Variants in CNTN5 observed in about 807,000 individuals in gnomAD.
CNTN5 encodes contactin-5.
A neutral mutation model predicts 129.1 loss-of-function variants in CNTN5; 77 were observed. The ratio of observed to expected loss-of-function variants is 0.60; its 90% CI spans 0.50 to 0.72. The LOEUF is 0.72. Ranked by LOEUF, CNTN5 falls within the 30% of genes least tolerant of loss-of-function variation. The probability of loss-of-function intolerance (pLI) is 0.00; values close to 1 mark genes in which losing one functional copy is unlikely to be tolerated. For missense variants in CNTN5, 1,478 were observed against 1,328.8 expected (o/e 1.11, Z -1.75); for synonymous variants, 509 against 465.6 (o/e 1.09, Z -1.20).
At chr11:99,614,728 A>G (rs1950704740) in intron 3 of CNTN5, among the ~76,000 whole-genome samples, 3 of 152,154 alleles carry the variant, frequency 2.0e-5, no homozygotes, top group Admixed American at 1.3e-4. Flanking sequence ...GTGAGGCTGG[A>G]ACTGTGGAAC....
intron 3 of CNTN5, among the ~76,000 whole-genome samples, chr11:99,809,764 T>C (rs571658260): frequency 2.6e-5 from 4 of 152,312 alleles, no homozygotes; most frequent in Admixed American, 1.3e-4. Context: ...TTTTGTGTAA[T>C]TATTTTCTAA....
At chr11:99,496,773 CTG>C (rs1946242468) in intron 2 of CNTN5, among the ~76,000 whole-genome samples, 1 of 152,168 alleles carries the variant, frequency 6.6e-6, no homozygotes. Context: ...TGGTAAGTAA[CTG>C]GGGTTGGATG....
At chr11:99,156,526 T>C (rs1249515996) in intron 1 of CNTN5, among the ~76,000 whole-genome samples, 1 of 152,032 alleles carries the variant, frequency 6.6e-6, no homozygotes, top group Non-Finnish European at 1.5e-5. Flanking sequence ...AGCTTATATA[T>C]ATTTTGCCTA....
chr11:100,010,133 T>C (rs1940436521), intron 9 of CNTN5, among the ~76,000 whole-genome samples: 2 of 152,178 alleles, frequency 1.3e-5, no homozygotes, highest in Non-Finnish European at 2.9e-5. Flanking sequence ...AGGACCCTAA[T>C]AAATATTTCA....
intron 3 of CNTN5, among the ~76,000 whole-genome samples, chr11:99,559,250 G>T (rs907247773): frequency 1.3e-5 from 2 of 152,098 alleles, no homozygotes; most frequent in African/African-American, 4.8e-5. Context: ...CACATTTTAC[G>T]TTGTTGGTGC....
chr11:99,825,983 C>T (rs1470290729), intron 4 of CNTN5, among the ~76,000 whole-genome samples: 9 of 152,194 alleles, frequency 5.9e-5, no homozygotes, highest in Non-Finnish European at 1.2e-4. Flanking sequence ...TCTGATTCGT[C>T]TGTTCTTCAT....
chr11:99,452,663 G>A (rs1397269575), intron 2 of CNTN5, among the ~76,000 whole-genome samples: 3 of 152,040 alleles, frequency 2.0e-5, no homozygotes, highest in African/African-American at 4.8e-5. Context: ...GTGAGCCACC[G>A]CGCCTGGCCT....
chr11:99,845,041 C>G lies in CNTN5; in HGVS notation c.402-46C>G, dbSNP rs199545900. The stretch of plus-strand genomic sequence containing the variant: ...ACTTTCCATCAATGATATTCTGACA[C>G]TCTCAGGGAGGATTATACATATTTG... On this transcript the variant is annotated intron_variant, in intron 5 of 24. Coordinates refer to ENST00000524871, the MANE Select transcript of CNTN5 (RefSeq NM_014361.4). The G allele has an allele frequency of 3.1e-6, 5 of 1,609,742 alleles. No individual in the cohort carries two copies. In the Admixed American group the frequency reaches 6.7e-5, roughly 22 times the overall value.
chr11:100,280,491 T>C (rs1950613112), intron 18 of CNTN5, among the ~76,000 whole-genome samples: 1 of 152,098 alleles, frequency 6.6e-6, no homozygotes, highest in Non-Finnish European at 1.5e-5. Flanking sequence ...CTCATATGAA[T>C]ATAGCTACTA....
intron 6 of CNTN5, among the ~76,000 whole-genome samples, chr11:99,880,990 A>T (rs1948757686): frequency 1.3e-5 from 2 of 152,242 alleles, no homozygotes. Flanking sequence ...CCACTGAGAA[A>T]ATTAAGGCTA....
intron 3 of CNTN5, among the ~76,000 whole-genome samples, chr11:99,631,146 A>G (rs764797445): frequency 3.5e-4 from 54 of 152,168 alleles, no homozygotes; most frequent in Non-Finnish European, 6.8e-4. Context: ...GTTTATTGAA[A>G]TACAGTGTTA....
intron 2 of CNTN5, among the ~76,000 whole-genome samples, chr11:99,389,020 A>ATTT (rs1195261726): frequency 2.0e-5 from 3 of 148,924 alleles, no homozygotes; most frequent in Non-Finnish European, 3.0e-5. Context: ...ATTTTATTTT[A>ATTT]TTTTATTTTA....
chr11:99,378,371 A>G (rs973088360), intron 2 of CNTN5, among the ~76,000 whole-genome samples: 5 of 152,098 alleles, frequency 3.3e-5, no homozygotes. Context: ...ATAAGAAAAA[A>G]CTAGTAGTCA....
chr11:99,079,701 T>C (rs1449750756), intron 1 of CNTN5, among the ~76,000 whole-genome samples: 1 of 152,200 alleles, frequency 6.6e-6, no homozygotes, highest in Non-Finnish European at 1.5e-5. Context: ...AAATTAACTT[T>C]AGGTCCTTGA....
At chr11:99,838,192 A>T (rs951615118) in intron 4 of CNTN5, among the ~76,000 whole-genome samples, 2 of 152,166 alleles carry the variant, frequency 1.3e-5, no homozygotes, top group African/African-American at 4.8e-5. Context: ...TTATGACCTC[A>T]TGTATTACTG....
intron 3 of CNTN5, among the ~76,000 whole-genome samples, chr11:99,617,289 G>GT (rs1433870397): frequency 6.6e-6 from 1 of 152,150 alleles, no homozygotes; most frequent in Non-Finnish European, 1.5e-5. Context: ...TGGCTGCAGT[G>GT]TAAGTTATTA....
chr11:99,864,949 C>T (rs969810143), intron 6 of CNTN5, among the ~76,000 whole-genome samples: 1 of 152,088 alleles, frequency 6.6e-6, no homozygotes, highest in African/African-American at 2.4e-5. Context: ...AGAATAAAAA[C>T]AATCATTGGC....
chr11:99,866,341 T>C (rs1948356346), intron 6 of CNTN5, among the ~76,000 whole-genome samples: 1 of 152,188 alleles, frequency 6.6e-6, no homozygotes, highest in African/African-American at 2.4e-5. Context: ...GTATTTTTTT[T>C]CCATTTAAAA....
chr11:99,819,726 A>G lies in CNTN5; in HGVS notation c.238A>G (p.Ile80Val), dbSNP rs201682523. ...LGAAQNYYSP[I>V]NLYHSSDAFK... ...GGCAGCTCAGAATTATTATTCCCCC[A>G]TCAATCTTTATCATTCCTCAGATGC... Residue 80 changes from isoleucine (I) to valine (V), a missense_variant, in exon 4 of 25, where the codon ATC becomes GTC. Transcript: ENST00000524871. 2 of 1,609,142 alleles carry G rather than the reference A, an allele frequency of 1.2e-6. No individual in the cohort carries two copies. The highest frequency in any genetic ancestry group is 1.3e-5 in the African/African-American group (1 of 74,916).
Sources: gnomAD v4.1 joint callset for allele counts (sites outside exome capture counted in the v4.1 genomes callset) on GRCh38, gnomAD v4.1.1 for gene constraint, MANE v1.5 for transcripts, NCBI Gene and HGNC (gene_info 2026-07-23, HGNC 2026-07-21) for gene names.